ELAVL2: variants seen among roughly 807,000 people sequenced by gnomAD.
The protein encoded by ELAVL2 is ELAV-like protein 2.
ELAVL2 carries 4 observed loss-of-function variants against 34.6 expected under a neutral mutation model. The observed-to-expected ratio is 0.12, with a 90% CI of 0.06 to 0.26. ELAVL2 has a LOEUF of 0.26. ELAVL2 is among the 10% of genes least tolerant of loss of function. The pLI, the probability that ELAVL2 is intolerant of heterozygous loss-of-function variation, is 1.00. For synonymous variants in ELAVL2, 193 were observed against 154.8 expected (o/e 1.25, Z -1.83); for missense variants, 432 against 442.8 (o/e 0.98, Z 0.22).
chr9:23,836,655 G>A, the ELAVL2 span, among the ~76,000 whole-genome samples: 130 of 152,128 alleles, frequency 8.5e-4, no homozygotes, highest in Middle Eastern at 0.01. Context: ...GGGTGTGTGT[G>A]CATGCATGTG....
chr9:23,716,351 G>T (rs573177015), intron 3 of ELAVL2, among the ~76,000 whole-genome samples: 1 of 152,048 alleles, frequency 6.6e-6, no homozygotes, highest in South Asian at 2.1e-4. Flanking sequence ...CTTTGTTTTT[G>T]TATGAAACAA....
chr9:23,836,413 CT>C, the ELAVL2 span, among the ~76,000 whole-genome samples: 1 of 152,080 alleles, frequency 6.6e-6, no homozygotes, highest in Non-Finnish European at 1.5e-5. Context: ...AAAAAACTTT[CT>C]TTTATGTCAG....
At chr9:23,773,075 G>A (rs2057589917) in intron 1 of ELAVL2, among the ~76,000 whole-genome samples, 1 of 152,262 alleles carries the variant, frequency 6.6e-6, no homozygotes, top group East Asian at 1.9e-4. Context: ...AAAAAAGTGG[G>A]GGAGGGGGAG....
chr9:23,817,870 T>C (rs1243644651), intron 1 of ELAVL2, among the ~76,000 whole-genome samples: 1 of 152,212 alleles, frequency 6.6e-6, no homozygotes, highest in African/African-American at 2.4e-5. Context: ...TAAATCATAA[T>C]AAAACACTTA....
chr9:23,698,655 T>G (rs1421172651), intron 5 of ELAVL2, among the ~76,000 whole-genome samples: 2 of 151,942 alleles, frequency 1.3e-5, no homozygotes, highest in Admixed American at 6.6e-5. Context: ...AAAATATATC[T>G]GTGTGATGAT....
At chr9:23,763,283 A>G (rs1588226630) in intron 1 of ELAVL2, among the ~76,000 whole-genome samples, 1 of 152,128 alleles carries the variant, frequency 6.6e-6, no homozygotes, top group Non-Finnish European at 1.5e-5. Flanking sequence ...CTTATTAAGC[A>G]GTATTAAATC....
At chr9:23,724,495 C>T (rs556878166) in intron 3 of ELAVL2, among the ~76,000 whole-genome samples, 19 of 152,186 alleles carry the variant, frequency 1.2e-4, no homozygotes, top group South Asian at 1.0e-3. Flanking sequence ...CCCTAGACCA[C>T]ATTAGATGAG....
At chr9:23,722,473 G>C (rs2043990372) in intron 3 of ELAVL2, among the ~76,000 whole-genome samples, 1 of 152,192 alleles carries the variant, frequency 6.6e-6, no homozygotes, top group African/African-American at 2.4e-5. Context: ...CACTCTGCAA[G>C]AGGGCAGAGT....
intron 3 of ELAVL2, among the ~76,000 whole-genome samples, chr9:23,717,360 C>G (rs1587626954): frequency 6.6e-6 from 1 of 152,276 alleles, no homozygotes; most frequent in East Asian, 1.9e-4. Flanking sequence ...TTGATCCACC[C>G]AAAATTCATT....
At chr9:23,708,116 C>T (rs2039906130) in intron 3 of ELAVL2, among the ~76,000 whole-genome samples, 2 of 152,066 alleles carry the variant, frequency 1.3e-5, no homozygotes, top group Non-Finnish European at 2.9e-5. Flanking sequence ...ATTAAAAAGG[C>T]TCCAAGACAA....
chr9:23,721,666 A>C (rs2043762985), intron 3 of ELAVL2, among the ~76,000 whole-genome samples: 1 of 152,158 alleles, frequency 6.6e-6, no homozygotes, highest in African/African-American at 2.4e-5. Context: ...GGTGCACTTA[A>C]TATGGGATTT....
At chr9:23,809,167 C>A (rs1466765963) in intron 1 of ELAVL2, among the ~76,000 whole-genome samples, 2 of 152,248 alleles carry the variant, frequency 1.3e-5, no homozygotes, top group Admixed American at 6.5e-5. Flanking sequence ...CTGCTTTGTG[C>A]ATAGCCTGTT....
the ELAVL2 span, among the ~76,000 whole-genome samples, chr9:23,837,154 A>G: frequency 5.3e-5 from 8 of 152,178 alleles, no homozygotes; most frequent in African/African-American, 1.9e-4. Context: ...CTCTCAGCAT[A>G]TAATGTTTCT....
chr9:23,748,519 C>CT (rs2051082428), intron 2 of ELAVL2, among the ~76,000 whole-genome samples: 1 of 152,122 alleles, frequency 6.6e-6, no homozygotes, highest in Non-Finnish European at 1.5e-5. Context: ...CTGCCTCTTC[C>CT]TCCAGGTAAC....
At position 23,759,070 on chromosome 9, in the gene ELAVL2, T is replaced by C. The variant is rs1323797245; in HGVS notation, c.229+2936A>G. 2.6e-5 allele frequency among the ~76,000 whole-genome samples: 4 copies of C among 152,130 alleles called. No individual in the cohort carries two copies. In the East Asian group the frequency reaches 5.8e-4, roughly 22 times the overall value. On this transcript the variant is annotated intron_variant, in intron 2 of 6. Coordinates refer to ENST00000397312, the MANE Select transcript of ELAVL2 (RefSeq NM_004432.5). ...ATCCAGCATCCCCACTACTGCATGT[T>C]AACCCAAAAGAAATGAAATCAATTT...
chr9:23,798,231 T>C (rs1314598956), intron 1 of ELAVL2, among the ~76,000 whole-genome samples: 2 of 152,204 alleles, frequency 1.3e-5, no homozygotes, highest in Non-Finnish European at 2.9e-5. Flanking sequence ...ATAATATTAG[T>C]GCAAAAAGGT....
the ELAVL2 span, among the ~76,000 whole-genome samples, chr9:23,833,420 C>G: frequency 1.3e-5 from 2 of 151,610 alleles, no homozygotes; most frequent in Admixed American, 1.3e-4. Flanking sequence ...TTAAACTGTT[C>G]TTTAATACAG....
chr9:23,764,892 A>G, intron 1 of ELAVL2: 1 of 1,046,274 alleles, frequency 9.6e-7, no homozygotes, highest in East Asian at 2.5e-5. Context: ...ACAATAGGTT[A>G]AATGTAAGAA....
the ELAVL2 span, among the ~76,000 whole-genome samples, chr9:23,842,835 C>CA: frequency 6.6e-6 from 1 of 152,096 alleles, no homozygotes; most frequent in Non-Finnish European, 1.5e-5. Context: ...GGCTACATAT[C>CA]AGTGTTAGAA....
Sources: allele counts gnomAD v4.1 joint callset (sites outside exome capture counted in the v4.1 genomes callset), GRCh38; gene constraint gnomAD v4.1.1; transcripts MANE v1.5; gene names NCBI Gene and HGNC (gene_info 2026-07-23, HGNC 2026-07-21).